The following KCNIP4 variants were observed in gnomAD, a reference collection of about 807,000 sequenced individuals.
KCNIP4 encodes the protein potassium voltage-gated channel interacting protein 4, also known as Kv channel-interacting protein 4.
KCNIP4 carries 12 observed loss-of-function variants against 34.0 expected under a neutral mutation model. The observed-to-expected ratio is 0.35, with a 90% CI of 0.23 to 0.57. KCNIP4 has a LOEUF of 0.57. KCNIP4 is among the 20% of genes least tolerant of loss of function. The pLI is 0.83. For missense variants in KCNIP4, 238 were observed against 311.7 expected, an observed-to-expected ratio of 0.76 and a Z score of 1.78; for synonymous variants, 124 against 102.2, an observed-to-expected ratio of 1.21 and a Z score of -1.29.
At chr4:21,475,879 G>T (rs13103191) in intron 1 of KCNIP4, among the ~76,000 whole-genome samples, 18,995 of 152,048 alleles carry the variant, frequency 0.12, 1,356 homozygotes, top group South Asian at 0.21. Flanking sequence ...TTTAATTTCC[G>T]CAAACCTCAC....
intron 3 of KCNIP4, among the ~76,000 whole-genome samples, chr4:20,815,257 T>G (rs1387275227): frequency 6.6e-6 from 1 of 152,196 alleles, no homozygotes; most frequent in Non-Finnish European, 1.5e-5. Flanking sequence ...TATTCACTAT[T>G]GCATTGATGT....
At chr4:21,445,146 C>T (rs1036403822) in intron 1 of KCNIP4, among the ~76,000 whole-genome samples, 1 of 152,198 alleles carries the variant, frequency 6.6e-6, no homozygotes, top group African/African-American at 2.4e-5. Context: ...AATGGAAGAA[C>T]ATTCCATGCT....
chr4:21,171,182 T>G (rs1282487728), intron 1 of KCNIP4, among the ~76,000 whole-genome samples: 3 of 152,212 alleles, frequency 2.0e-5, no homozygotes, highest in Admixed American at 2.0e-4. Context: ...TGGCAAAATC[T>G]AACTGCATCT....
rs191066254 is a variant in KCNIP4 at position 21,045,291 on chromosome 4, A to C, written c.62-162582T>G. ...ACAATCCTCTGGGGATTTTGGTAAA[A>C]TGCAGATTAATTCAGTAAGTCTGGG... On this transcript the variant is annotated intron_variant, in intron 1 of 8. Transcript: ENST00000382152. Among the ~76,000 whole-genome samples, 334 of 152,280 alleles carry C rather than the reference A, an allele frequency of 2.2e-3. 1 individual carries two copies. Among genetic ancestry groups the C allele is most frequent in the Middle Eastern group, 6.8e-3 (2 of 294 alleles).
intron 1 of KCNIP4, among the ~76,000 whole-genome samples, chr4:21,659,700 T>C (rs971506935): frequency 1.3e-5 from 2 of 152,148 alleles, no homozygotes; most frequent in South Asian, 4.1e-4. Context: ...GTTATTATTA[T>C]TTTTGAGACC....
intron 1 of KCNIP4, among the ~76,000 whole-genome samples, chr4:21,746,592 T>TA (rs11324541): frequency 4.0e-4 from 60 of 150,016 alleles, no homozygotes; most frequent in African/African-American, 8.3e-4. Flanking sequence ...CAAGAAAAAA[T>TA]AAAAAAAAAA....
intron 1 of KCNIP4, among the ~76,000 whole-genome samples, chr4:21,258,774 G>A (rs546108761): frequency 2.2e-4 from 33 of 152,050 alleles, no homozygotes; most frequent in Admixed American, 1.1e-3. Flanking sequence ...TACCCCTACT[G>A]GAATGCTTTT....
intron 1 of KCNIP4, chr4:21,844,186 A>G (rs1723861780): frequency 6.6e-6 from 1 of 152,126 alleles, no homozygotes; most frequent in Non-Finnish European, 1.5e-5. Context: ...ACACATATAC[A>G]CAAGCAATTA....
intron 1 of KCNIP4, among the ~76,000 whole-genome samples, chr4:21,478,245 C>A (rs979598766): frequency 1.9e-4 from 16 of 85,162 alleles, no homozygotes; most frequent in Non-Finnish European, 2.1e-4. Context: ...TATTTATTTA[C>A]ATATTTATTT....
At chr4:21,068,852 A>G (rs1744647000) in intron 1 of KCNIP4, among the ~76,000 whole-genome samples, 1 of 152,224 alleles carries the variant, frequency 6.6e-6, no homozygotes, top group African/African-American at 2.4e-5. Flanking sequence ...AATGTTTGGA[A>G]TATAAATATT....
chr4:21,328,379 C>A (rs1214115333), intron 1 of KCNIP4, among the ~76,000 whole-genome samples: 1 of 152,164 alleles, frequency 6.6e-6, no homozygotes, highest in Non-Finnish European at 1.5e-5. Flanking sequence ...GATTACCAGG[C>A]AGAGGCTCTT....
At chr4:21,574,602 G>A (rs1485067884) in intron 1 of KCNIP4, among the ~76,000 whole-genome samples, 1 of 152,116 alleles carries the variant, frequency 6.6e-6, no homozygotes, top group Non-Finnish European at 1.5e-5. Flanking sequence ...AAAAATTAAA[G>A]AAGGATCCAG....
intron 1 of KCNIP4, among the ~76,000 whole-genome samples, chr4:21,789,433 C>G (rs1266014433): frequency 6.6e-6 from 1 of 152,274 alleles, no homozygotes; most frequent in Admixed American, 6.5e-5. Context: ...CACTAGATGG[C>G]GGTACCTACA....
intron 1 of KCNIP4, among the ~76,000 whole-genome samples, chr4:21,665,274 G>C (rs1321937133): frequency 6.6e-6 from 1 of 151,952 alleles, no homozygotes; most frequent in Non-Finnish European, 1.5e-5. Context: ...CCTTCCTCTG[G>C]GTAAAACAGA....
intron 1 of KCNIP4, among the ~76,000 whole-genome samples, chr4:21,861,439 G>A (rs982727389): frequency 3.5e-4 from 53 of 152,262 alleles, no homozygotes; most frequent in African/African-American, 1.3e-3. Flanking sequence ...ATCACCTGAA[G>A]TCAGGAGTTC....
At position 21,188,165 on chromosome 4, in the gene KCNIP4, T is replaced by G. The variant is rs74591296; in HGVS notation, c.62-305456A>C. 6.2e-3 allele frequency among the ~76,000 whole-genome samples: 947 copies of G among 152,342 alleles called. 31 individuals are homozygous for G. The highest frequency in any genetic ancestry group is 0.054 in the Admixed American group (823 of 15,298). ...TAGTTATTTATCTTAGTCATGAGTT[T>G]TGATTATTGACAACATTGCTCCAAA... On this transcript the variant is annotated intron_variant, in intron 1 of 8. Transcript: ENST00000382152.
chr4:21,710,378 G>A (rs1258061751), intron 1 of KCNIP4, among the ~76,000 whole-genome samples: 1 of 152,142 alleles, frequency 6.6e-6, no homozygotes, highest in African/African-American at 2.4e-5. Context: ...CCATCGTGGT[G>A]CATAGCAAAG....
chr4:20,940,835 G>A (rs554015587), intron 1 of KCNIP4, among the ~76,000 whole-genome samples: 14 of 152,084 alleles, frequency 9.2e-5, no homozygotes, highest in Non-Finnish European at 1.8e-4. Context: ...TAGTAGAGGA[G>A]AACATGAACA....
At chr4:21,026,296 T>G (rs942710573) in intron 1 of KCNIP4, among the ~76,000 whole-genome samples, 1 of 152,182 alleles carries the variant, frequency 6.6e-6, no homozygotes, top group African/African-American at 2.4e-5. Flanking sequence ...TCTTTATGGT[T>G]CCAGCTCTCG....
Sources: allele counts gnomAD v4.1 joint callset (sites outside exome capture counted in the v4.1 genomes callset), GRCh38; gene constraint gnomAD v4.1.1; transcripts MANE v1.5; gene names NCBI Gene and HGNC (gene_info 2026-07-23, HGNC 2026-07-21).